The following CADM2 variants were observed in gnomAD, a reference collection of about 807,000 sequenced individuals.
CADM2 encodes cell adhesion molecule 2.
In CADM2, 12 loss-of-function variants were observed where a neutral mutation model predicts 49.8. That is an observed-to-expected ratio of 0.24 (90% CI 0.15 to 0.39). The LOEUF (loss-of-function observed/expected upper bound fraction) is 0.39, where lower values mean the gene tolerates loss of function less well. CADM2 is among the 10% of genes least tolerant of loss of function. The pLI is 1.00. For missense variants in CADM2, 378 were observed against 492.3 expected (o/e 0.77, Z 2.20); for synonymous variants, 214 against 175.4 (o/e 1.22, Z -1.74).
At chr3:85,715,591 G>T (rs1237342125) in intron 1 of CADM2, among the ~76,000 whole-genome samples, 2 of 152,104 alleles carry the variant, frequency 1.3e-5, no homozygotes, top group African/African-American at 2.4e-5. Context: ...GTGCCATGGT[G>T]GTTTGCTTCA....
chr3:85,523,373 C>G (rs375614359), intron 1 of CADM2, among the ~76,000 whole-genome samples: 2 of 152,102 alleles, frequency 1.3e-5, no homozygotes, highest in Non-Finnish European at 2.9e-5. Context: ...ATGAATTATG[C>G]ATCTCTTTCT....
chr3:85,328,007 A>G (rs2044803664), intron 1 of CADM2, among the ~76,000 whole-genome samples: 1 of 152,168 alleles, frequency 6.6e-6, no homozygotes, highest in Non-Finnish European at 1.5e-5. Flanking sequence ...CACTGTGATT[A>G]TTGTTTTCAG....
intron 8 of CADM2, among the ~76,000 whole-genome samples, chr3:86,056,166 T>C (rs1200238574): frequency 1.3e-5 from 2 of 152,168 alleles, no homozygotes; most frequent in East Asian, 1.9e-4. Context: ...ACTTTATGAA[T>C]GTCAGTGGGA....
chr3:86,048,947 A>G (rs1737001876), intron 8 of CADM2, among the ~76,000 whole-genome samples: 1 of 152,204 alleles, frequency 6.6e-6, no homozygotes, highest in African/African-American at 2.4e-5. Context: ...TAGGATTCAT[A>G]ATCAGGGTCT....
intron 1 of CADM2, among the ~76,000 whole-genome samples, chr3:85,183,882 C>G (rs186651598): frequency 6.6e-6 from 1 of 152,064 alleles, no homozygotes. Context: ...ATTTAATAAG[C>G]ATTAACTCAG....
chr3:85,867,657 A>G (rs1367364250), intron 3 of CADM2, among the ~76,000 whole-genome samples: 4 of 168 alleles, frequency 0.024, no homozygotes, highest in African/African-American at 0.067. Context: ...TTATTTTATC[A>G]TAAGAACTTA....
chr3:85,091,498 A>C (rs2037596439), intron 1 of CADM2, among the ~76,000 whole-genome samples: 1 of 152,188 alleles, frequency 6.6e-6, no homozygotes, highest in Admixed American at 6.6e-5. Flanking sequence ...AGATAAAAAT[A>C]GTTTTCAATA....
intron 1 of CADM2, among the ~76,000 whole-genome samples, chr3:85,192,326 G>T (rs999289942): frequency 2.0e-5 from 3 of 151,856 alleles, no homozygotes; most frequent in African/African-American, 7.3e-5. Flanking sequence ...TTTCTCTTTA[G>T]CTCAGTAGTG....
At chr3:85,722,603 A>C (rs1307818786) in intron 1 of CADM2, among the ~76,000 whole-genome samples, 5 of 152,178 alleles carry the variant, frequency 3.3e-5, no homozygotes, top group Admixed American at 3.3e-4. Context: ...TTTCTAACAA[A>C]CACTTCTAAA....
intron 1 of CADM2, among the ~76,000 whole-genome samples, chr3:85,204,173 T>C (rs937213701): frequency 6.6e-6 from 1 of 152,206 alleles, no homozygotes; most frequent in Admixed American, 6.5e-5. Context: ...ATTTATAAAA[T>C]GGTGACCTTT....
At chr3:85,489,877 C>G (rs1045538440) in intron 1 of CADM2, among the ~76,000 whole-genome samples, 1 of 151,036 alleles carries the variant, frequency 6.6e-6, no homozygotes, top group African/African-American at 2.4e-5. Context: ...GGGAAAGAAA[C>G]AAGCAATAAT....
intron 1 of CADM2, among the ~76,000 whole-genome samples, chr3:85,703,023 A>AT (rs1559602500): frequency 6.6e-6 from 1 of 152,188 alleles, no homozygotes; most frequent in African/African-American, 2.4e-5. Flanking sequence ...CGTATCTGGG[A>AT]TTTTTGGTAG....
At chr3:84,998,508 A>G (rs975119589) in intron 1 of CADM2, among the ~76,000 whole-genome samples, 3 of 152,194 alleles carry the variant, frequency 2.0e-5, no homozygotes, top group Admixed American at 2.0e-4. Flanking sequence ...AACTTCAGAA[A>G]CTATGCAATT....
At chr3:85,061,166 T>C (rs2036296541) in intron 1 of CADM2, among the ~76,000 whole-genome samples, 1 of 152,168 alleles carries the variant, frequency 6.6e-6, no homozygotes, top group Admixed American at 6.5e-5. Flanking sequence ...GTAGTTTCTA[T>C]TGAAAACTAT....
chr3:85,141,500 T>C (rs1188645110), intron 1 of CADM2, among the ~76,000 whole-genome samples: 3 of 152,188 alleles, frequency 2.0e-5, no homozygotes, highest in African/African-American at 7.2e-5. Flanking sequence ...AAGATGCTTC[T>C]AAAAACTACT....
intron 1 of CADM2, among the ~76,000 whole-genome samples, chr3:85,055,219 C>T (rs1434842977): frequency 6.6e-6 from 1 of 151,900 alleles, no homozygotes; most frequent in Non-Finnish European, 1.5e-5. Flanking sequence ...ACTATGTAGT[C>T]TTAAAACTGA....
At chr3:85,736,869 G>C (rs901095340) in intron 2 of CADM2, among the ~76,000 whole-genome samples, 1 of 152,144 alleles carries the variant, frequency 6.6e-6, no homozygotes. Flanking sequence ...GTAGTCCAGG[G>C]AGAAATAATG....
intron 1 of CADM2, among the ~76,000 whole-genome samples, chr3:85,095,246 C>T (rs756479546): frequency 2.0e-4 from 31 of 152,146 alleles, no homozygotes; most frequent in Non-Finnish European, 3.4e-4. Context: ...ATTTTGCCCC[C>T]GCAGTCATTA....
intron 1 of CADM2, among the ~76,000 whole-genome samples, chr3:85,695,079 T>G (rs2066509419): frequency 6.6e-6 from 1 of 152,224 alleles, no homozygotes; most frequent in South Asian, 2.1e-4. Flanking sequence ...ATTCCCATAG[T>G]ATCAGATACA....
Sources: allele counts gnomAD v4.1 joint callset (sites outside exome capture counted in the v4.1 genomes callset), GRCh38; gene constraint gnomAD v4.1.1; transcripts MANE v1.5; gene names NCBI Gene and HGNC (gene_info 2026-07-23, HGNC 2026-07-21).